TTC39C: variants seen among roughly 807,000 people sequenced by gnomAD.
TTC39C encodes tetratricopeptide repeat protein 39C.
In TTC39C, 33 loss-of-function variants were observed where a neutral mutation model predicts 76.3. The ratio of observed to expected loss-of-function variants is 0.43; its 90% CI spans 0.33 to 0.58. The LOEUF is 0.58. TTC39C is among the 20% of genes least tolerant of loss of function. The pLI is 0.04. For missense variants in TTC39C, 595 were observed against 701.4 expected, an observed-to-expected ratio of 0.85 and a Z score of 1.71; for synonymous variants, 254 against 260.6, an observed-to-expected ratio of 0.97 and a Z score of 0.24.
At chr18:24,009,901 T>C (rs2083382419), upstream of TTC39C, among the ~76,000 whole-genome samples, 1 of 152,218 alleles carries the variant, frequency 6.6e-6, no homozygotes, top group Non-Finnish European at 1.5e-5. Context: ...ACTGCTGTGG[T>C]TTCCCAGGGC....
chr18:24,132,057 T>G (rs2145834866), intron 13 of TTC39C, 137 bp downstream of exon 13: 1 of 726,950 alleles, frequency 1.4e-6, no homozygotes, highest in East Asian at 2.9e-5. Context: ...GACAACCAAT[T>G]GAATCAGTGA....
At chr18:24,120,737 C>T (rs868041224) in intron 8 of TTC39C, among the ~76,000 whole-genome samples, 4 of 152,118 alleles carry the variant, frequency 2.6e-5, no homozygotes, top group African/African-American at 9.7e-5. Flanking sequence ...GCTTCTACTT[C>T]CTGTCTCTAT....
chr18:24,066,758 C>T lies in TTC39C; in HGVS notation c.345+618C>T, dbSNP rs770073717. ...GCATGCCCGTGCCCTGCCTATGAAGCATCACAGGAGAGTGTTTCACCTCTG... is the reference window on the plus strand; with the variant it reads ...GCATGCCCGTGCCCTGCCTATGAAGTATCACAGGAGAGTGTTTCACCTCTG... On this transcript the variant is annotated intron_variant, in intron 3 of 13. Transcript: ENST00000317571. Among the ~76,000 whole-genome samples, 7 of 152,326 alleles carry T rather than the reference C, an allele frequency of 4.6e-5. No individual in the cohort carries two copies. In the South Asian group the frequency reaches 8.3e-4, roughly 18 times the overall value.
In TTC39C at chr18:24,134,213, T is replaced by C. The variant is rs2085167911; in HGVS notation, c.*1639T>C. The stretch of plus-strand genomic sequence containing the variant: ...ATATTCAGTGAATGAGAAGGGAACT[T>C]TTTTCTGAAGAGCAAAATTGGTGCC... On this transcript the variant is annotated 3_prime_UTR_variant, in exon 14 of 14. Coordinates refer to ENST00000317571, the MANE Select transcript of TTC39C (RefSeq NM_001135993.2). The C allele has an allele frequency of 1.3e-5, 2 of 153,002 alleles. No individual in the cohort carries two copies. The highest frequency in any genetic ancestry group is 2.9e-5 in the Non-Finnish European group (2 of 68,080). The allele number at this position is 153,002 out of a possible 1,614,324, so 9.5% of individuals were successfully genotyped here.
chr18:24,065,922 GTT>G, intron 2 of TTC39C, 88 bp from the exon 3 acceptor site: 1 of 1,332,630 alleles, frequency 7.5e-7, no homozygotes, highest in African/African-American at 1.5e-5. Flanking sequence ...TAATTTAAGT[GTT>G]TTTTTAATTT....
At chr18:24,063,544 A>T (rs2084126775) in intron 1 of TTC39C, among the ~76,000 whole-genome samples, 1 of 132,280 alleles carries the variant, frequency 7.6e-6, no homozygotes. Flanking sequence ...ACAGAGTCTC[A>T]CTCTCTCGCC....
In TTC39C at chr18:24,058,728, T is replaced by C. The variant is rs552184530; in HGVS notation, c.168-5412T>C. Among the ~76,000 whole-genome samples the C allele has an allele frequency of 4.6e-5, 7 of 152,304 alleles. No individual in the cohort carries two copies. In the South Asian group the frequency reaches 1.5e-3, roughly 32 times the overall value. On this transcript the variant is annotated intron_variant, in intron 1 of 13. Transcript: ENST00000317571. The stretch of plus-strand genomic sequence containing the variant: ...TTACTAGAGTAGGCATACGTTTAGA[T>C]TTAATAGACACTGATAAACGAAGTA...
rs769604873 is a variant in TTC39C, at chr18:24,118,272, G to A, written c.1186+40G>A. On this transcript the variant is annotated intron_variant, in intron 8 of 13. Coordinates refer to ENST00000317571, the MANE Select transcript of TTC39C (RefSeq NM_001135993.2). ...GTCCCTCAGTGTGCCTCTCTCTGTC[G>A]TGAATTAGCTCGCCTGACGTGGGCA... The A allele has an allele frequency of 1.2e-5, 19 of 1,532,582 alleles. No homozygotes were observed. In the East Asian group the frequency reaches 1.4e-4, roughly 11 times the overall value. 94.9% of individuals were successfully genotyped at this position (1,532,582 alleles called of 1,614,324 possible). A position where few individuals can be genotyped will look rare whatever the true frequency, so the allele number is the denominator to read the frequency against.
At chr18:24,034,672 C>T (rs1008775822) in intron 1 of TTC39C, among the ~76,000 whole-genome samples, 3 of 152,102 alleles carry the variant, frequency 2.0e-5, no homozygotes, top group Non-Finnish European at 2.9e-5. Flanking sequence ...TGCCCTTCTG[C>T]TTTCTGTCTC....
At chr18:24,110,261 G>A (rs1277369740) in intron 6 of TTC39C, among the ~76,000 whole-genome samples, 1 of 152,138 alleles carries the variant, frequency 6.6e-6, no homozygotes, top group East Asian at 1.9e-4. Context: ...GCTATACATG[G>A]GAAGGACATT....
chr18:24,014,773 G>T lies in TTC39C; in HGVS notation c.-99G>T, dbSNP rs1429465832. 1.8e-6 allele frequency: 2 copies of T among 1,108,230 alleles called. No individual in the cohort carries two copies. Among genetic ancestry groups the T allele is most frequent in the Non-Finnish European group, 2.2e-6 (2 of 908,432 alleles). 68.6% of individuals were successfully genotyped at this position (1,108,230 alleles called of 1,614,324 possible). On this transcript the variant is annotated 5_prime_UTR_variant, in exon 1 of 14. Coordinates refer to ENST00000317571, the MANE Select transcript of TTC39C (RefSeq NM_001135993.2). ...TCCCCTCCCCTCCCCTCCCGGCTCC[G>T]CTTGGCTCCGGGCAGGTAGAGCCGG...
chr18:24,061,593 T>TA (rs35502981), intron 1 of TTC39C, among the ~76,000 whole-genome samples: 39,821 of 95,718 alleles, frequency 0.42, 8,883 homozygotes, highest in African/African-American at 0.51. Context: ...TTGAAATAAG[T>TA]AAAAAAAAAA....
Position 24,022,557 on chromosome 18 carries a change from G to C in TTC39C, c.167+7519G>C, listed in dbSNP as rs990199832. 5 of 985,236 alleles carry C rather than the reference G, an allele frequency of 5.1e-6. No individual in the cohort carries two copies. The African/African-American group carries it at 8.7e-5, about 17-fold the overall frequency. 61.0% of individuals were successfully genotyped at this position (985,236 alleles called of 1,614,324 possible). A position where few individuals can be genotyped will look rare whatever the true frequency, so the allele number is the denominator to read the frequency against. ...CTCTTACAGAACTTCTACAGTAAAA[G>C]GATTCACATGTGTCCTGTCAAAGCC... On this transcript the variant is annotated intron_variant, in intron 1 of 13. Coordinates refer to ENST00000317571, the MANE Select transcript of TTC39C (RefSeq NM_001135993.2).
intron 1 of TTC39C, among the ~76,000 whole-genome samples, chr18:24,029,717 T>G (rs959037068): frequency 3.3e-5 from 5 of 152,234 alleles, no homozygotes; most frequent in African/African-American, 1.2e-4. Context: ...TGTGTCCTCA[T>G]AGCTTAGCTC....
At position 24,092,296 on chromosome 18, in the gene TTC39C, T is replaced by C. The variant is rs144330656; in HGVS notation, c.984+9215T>C. Among the ~76,000 whole-genome samples the C allele has an allele frequency of 4.5e-3, 687 of 152,092 alleles. 4 individuals are homozygous for C. The highest frequency in any genetic ancestry group is 0.015 in the African/African-American group (617 of 41,508). On this transcript the variant is annotated intron_variant, in intron 6 of 13. Transcript: ENST00000317571. ...CAAGTGTGGGCAGGATGCAGAGTGA[T>C]TGGAACCCTCATTCATTGCCAGTGA...
At chr18:24,021,085 A>G (rs1302772280) in intron 1 of TTC39C, among the ~76,000 whole-genome samples, 1 of 152,042 alleles carries the variant, frequency 6.6e-6, no homozygotes, top group South Asian at 2.1e-4. Context: ...CCTCCTATTT[A>G]CCCAGCAGCA....
chr18:24,113,727 T>C (rs754220935), intron 6 of TTC39C: 290 of 701,434 alleles, frequency 4.1e-4, no homozygotes, highest in Non-Finnish European at 6.2e-4. Context: ...ATCCTGATCA[T>C]GCTTTTGAGC....
At chr18:24,010,710 A>G (rs1348006324), upstream of TTC39C, among the ~76,000 whole-genome samples, 1 of 152,228 alleles carries the variant, frequency 6.6e-6, no homozygotes, top group Non-Finnish European at 1.5e-5. Flanking sequence ...AAGTACACAC[A>G]GTAAGGTTTT....
At chr18:24,064,889 A>T (rs2084146741) in intron 2 of TTC39C, among the ~76,000 whole-genome samples, 1 of 152,206 alleles carries the variant, frequency 6.6e-6, no homozygotes, top group South Asian at 2.1e-4. Flanking sequence ...GCCAGCTTCC[A>T]GTGAGAAGTT....
Sources: gnomAD v4.1 joint callset for allele counts (sites outside exome capture counted in the v4.1 genomes callset) on GRCh38, gnomAD v4.1.1 for gene constraint, MANE v1.5 for transcripts, NCBI Gene and HGNC (gene_info 2026-07-23, HGNC 2026-07-21) for gene names.